Variants in PIN4 observed in about 807,000 individuals in gnomAD.
PIN4 encodes the protein peptidyl-prolyl cis-trans isomerase NIMA-interacting 4.
PIN4 carries 3 observed loss-of-function variants against 8.3 expected under a neutral mutation model. That is an observed-to-expected ratio of 0.36 (90% CI 0.16 to 0.93). The LOEUF (loss-of-function observed/expected upper bound fraction) is 0.93. Among genes scored for constraint, PIN4 ranks in the 40% least tolerant of loss-of-function variants. The probability of loss-of-function intolerance (pLI) is 0.44; values close to 1 mark genes in which losing one functional copy is unlikely to be tolerated. For missense variants in PIN4, 75 were observed against 100.6 expected (o/e 0.75, Z 1.09); for synonymous variants, 18 against 32.5 (o/e 0.55, Z 1.52).
intron 3 of PIN4, chrX:72,262,560 T>C: frequency 7.8e-6 from 3 of 383,505 alleles, no homozygotes; most frequent in Non-Finnish European, 1.4e-5. Context: ...TAGCACTTAA[T>C]GATGATCAGA....
chrX:72,251,319 T>G (rs2043086444), intron 3 of PIN4, among the ~76,000 whole-genome samples: 1 of 94,116 alleles, frequency 1.1e-5, no homozygotes, highest in South Asian at 6.2e-4. Context: ...GCCAAGATTG[T>G]GCCACTGCAC....
In PIN4 at chrX:72,196,896, A is replaced by G. The variant is rs1010056637; in HGVS notation, c.229A>G (p.Arg77Gly). 8.4e-7 allele frequency: 1 copy of G among 1,192,120 alleles called. No homozygotes were observed. Among genetic ancestry groups the G allele is most frequent in the African/African-American group, 1.7e-5 (1 of 57,205 alleles). Reference sequence around the variant, plus strand: ...CGCACAGTATAGTGAAGATAAAGCCAGGCAAGGGGTATGTTGCTCTTATTA... The same window carrying G: ...CGCACAGTATAGTGAAGATAAAGCCGGGCAAGGGGTATGTTGCTCTTATTA... ...VAAQYSEDKA[R>G]QGGDLGWMTR... The change falls in exon 3 of 4, where the codon AGG (arginine) becomes GGG (glycine). Residue 77 changes from arginine (R) to glycine (G), a missense_variant. Transcript: ENST00000373669.
intron 3 of PIN4, among the ~76,000 whole-genome samples, chrX:72,231,824 G>A (rs1031411192): frequency 1.8e-5 from 2 of 112,003 alleles, no homozygotes. Flanking sequence ...TTGAGGTGAT[G>A]GATATGTTAA....
At chrX:72,238,722 C>A in intron 3 of PIN4, 2 of 610,922 alleles carry the variant, frequency 3.3e-6, no homozygotes. Flanking sequence ...GAGAAGAGCG[C>A]GAGCGCGCGT....
At chrX:72,243,181 G>A (rs969990884) in intron 3 of PIN4, among the ~76,000 whole-genome samples, 1 of 110,054 alleles carries the variant, frequency 9.1e-6, no homozygotes, top group Non-Finnish European at 1.9e-5. Context: ...CGGCCATGAT[G>A]GTAGGTGCCT....
chrX:72,192,769 A>T (rs1289163806), intron 2 of PIN4, among the ~76,000 whole-genome samples: 2 of 109,271 alleles, frequency 1.8e-5, no homozygotes, highest in African/African-American at 3.4e-5. Context: ...AATTTTTTTT[A>T]AAGTTTTTGT....
intron 3 of PIN4, chrX:72,208,699 CTA>C: frequency 8.6e-7 from 1 of 1,157,972 alleles, no homozygotes; most frequent in Non-Finnish European, 1.2e-6. Flanking sequence ...TTTCACATAT[CTA>C]TAGAAAAAAA....
At chrX:72,199,263 G>A (rs1321402640), downstream of PIN4, among the ~76,000 whole-genome samples, 3 of 111,570 alleles carry the variant, frequency 2.7e-5, no homozygotes, top group Non-Finnish European at 3.8e-5. Flanking sequence ...GGCTGGGCAC[G>A]GTGGCTCATG....
downstream of PIN4, among the ~76,000 whole-genome samples, chrX:72,201,312 G>A (rs1311538532): frequency 8.9e-6 from 1 of 112,606 alleles, no homozygotes; most frequent in Non-Finnish European, 1.9e-5. Flanking sequence ...TTGTGGCTGG[G>A]CACAGTGGCT....
At chrX:72,255,980 G>A (rs1368353062) in intron 3 of PIN4, 1 of 112,190 alleles carries the variant, frequency 8.9e-6, no homozygotes, top group Admixed American at 9.4e-5. Context: ...ACCTTTGGAG[G>A]TGGGCACTTT....
chrX:72,256,864 G>A (rs1458269637), intron 3 of PIN4, among the ~76,000 whole-genome samples: 1 of 112,112 alleles, frequency 8.9e-6, no homozygotes, highest in Non-Finnish European at 1.9e-5. Flanking sequence ...AGGCCCTCAG[G>A]CTCTGGCATG....
chrX:72,248,320 A>AGG (rs2043075231), intron 3 of PIN4, among the ~76,000 whole-genome samples: 1 of 59,885 alleles, frequency 1.7e-5, no homozygotes, highest in Non-Finnish European at 2.6e-5. Flanking sequence ...AAAAAAAAAA[A>AGG]AAAAAAAAAA....
rs772116176 is a variant in PIN4, at chrX:72,186,190, T to G, written c.44-271T>G. The G allele has an allele frequency of 2.7e-5, 10 of 367,363 alleles. No homozygotes were observed. In the South Asian group the frequency reaches 2.8e-4, roughly 10 times the overall value. 30.3% of individuals were successfully genotyped at this position (367,363 alleles called of 1,213,427 possible). ...CCCAACACAAATTTGCAAACTTTCT[T>G]AAAACATTATGAGATTTTTATTTGT... On this transcript the variant is annotated intron_variant, in intron 1 of 3. Coordinates refer to ENST00000373669, the MANE Select transcript of PIN4 (RefSeq NM_006223.4).
downstream of PIN4, chrX:72,198,841 G>T: frequency 8.9e-6 from 1 of 112,380 alleles, no homozygotes; most frequent in Non-Finnish European, 1.9e-5. Context: ...ACTTCAGCCT[G>T]GGCAACAGAG....
intron 3 of PIN4, chrX:72,206,524 T>C: frequency 2.5e-6 from 3 of 1,211,729 alleles, no homozygotes; most frequent in South Asian, 3.5e-5. Flanking sequence ...CTGTGGTTTA[T>C]TCAATTTAGG....
chrX:72,206,805 T>A (rs1656069279), intron 3 of PIN4: 1 of 1,211,094 alleles, frequency 8.3e-7, no homozygotes. Context: ...CATCTAGTTT[T>A]ATATCAGATT....
At chrX:72,246,442 A>G (rs1217714020) in intron 3 of PIN4, among the ~76,000 whole-genome samples, 1 of 111,290 alleles carries the variant, frequency 9.0e-6, no homozygotes, top group Admixed American at 9.6e-5. Flanking sequence ...CCCAAAAACC[A>G]GAATCATCTT....
At chrX:72,257,976 G>T (rs1207098849) in intron 3 of PIN4, among the ~76,000 whole-genome samples, 1 of 111,820 alleles carries the variant, frequency 8.9e-6, no homozygotes, top group African/African-American at 3.3e-5. Flanking sequence ...GAGGTTGGAG[G>T]CAGCTGGGAA....
intron 3 of PIN4, among the ~76,000 whole-genome samples, chrX:72,216,683 G>T (rs1248989935): frequency 9.0e-6 from 1 of 111,292 alleles, no homozygotes; most frequent in Non-Finnish European, 1.9e-5. Context: ...TTTTGTGTTT[G>T]GCAGGTTAAC....
Sources: allele counts gnomAD v4.1 joint callset (sites outside exome capture counted in the v4.1 genomes callset), GRCh38; gene constraint gnomAD v4.1.1; transcripts MANE v1.5; gene names NCBI Gene and HGNC (gene_info 2026-07-23, HGNC 2026-07-21).